ITGAL: variants seen among roughly 807,000 people sequenced by gnomAD.
The protein encoded by ITGAL is integrin alpha-L.
A neutral mutation model predicts 138.4 loss-of-function variants in ITGAL; 68 were observed. That is an observed-to-expected ratio of 0.49 (90% CI 0.40 to 0.60). The LOEUF is 0.60. ITGAL is among the 20% of genes least tolerant of loss of function. The pLI, the probability that ITGAL is intolerant of heterozygous loss-of-function variation, is 0.00. For missense variants in ITGAL, 1,256 were observed against 1,478.6 expected (o/e 0.85, Z 2.47); for synonymous variants, 561 against 584.3 (o/e 0.96, Z 0.57).
intron 22 of ITGAL, among the ~76,000 whole-genome samples, 169 bp downstream of exon 22, chr16:30,510,640 C>T (rs1163876143): frequency 1.3e-5 from 2 of 152,136 alleles, no homozygotes; most frequent in Non-Finnish European, 2.9e-5. Context: ...GTTTGAGAGC[C>T]TGGACTTTAG....
Position 30,521,658 on chromosome 16 carries a change from A to G in ITGAL, c.3506A>G (p.Lys1169Arg). The G allele has an allele frequency of 6.2e-7, 1 of 1,613,704 alleles. No homozygotes were observed. Among genetic ancestry groups the G allele is most frequent in the Non-Finnish European group, 8.5e-7 (1 of 1,179,976 alleles). ...AAGGACTCTGAGAGTGGTGGTGGCA[A>G]GGACTGAGTCCAGGCCTGTGAGGTG... is the stretch of plus-strand genomic sequence containing the variant. Reference protein sequence around the residue: ...HEKDSESGGGKD With the variant: ...HEKDSESGGGRD Residue 1169 changes from lysine to arginine, a missense_variant, in exon 31 of 31, where the codon AAG (lysine) becomes AGG (arginine). This residue lies in a region of ITGAL where 867 missense variants were observed against 972.5 expected (regional missense o/e 0.89). Transcript: ENST00000356798.
Position 30,474,317 on chromosome 16 carries a change from G to T in ITGAL, c.164+19G>T. 6.4e-7 allele frequency: 1 copy of T among 1,559,666 alleles called. No individual in the cohort carries two copies. The highest frequency in any genetic ancestry group is 1.8e-5 in the Admixed American group (1 of 55,480). ...GAAACGGGTGAGCTGTGCCCCACAA[G>T]TCCTCCTCCTGATGCCCGCCCTGGG... On this transcript the variant is annotated intron_variant, in intron 2 of 30. Coordinates refer to ENST00000356798, the MANE Select transcript of ITGAL (RefSeq NM_002209.3).
At chr16:30,518,984 G>A (rs1314143372) in intron 29 of ITGAL, among the ~76,000 whole-genome samples, 1 of 152,180 alleles carries the variant, frequency 6.6e-6, no homozygotes, top group African/African-American at 2.4e-5. Flanking sequence ...AGCACTTTGG[G>A]AGGTCAAGGT....
At chr16:30,504,364 C>T in intron 18 of ITGAL, 100 bp downstream of exon 18, 2 of 901,340 alleles carry the variant, frequency 2.2e-6, no homozygotes, top group Non-Finnish European at 3.6e-6. Flanking sequence ...ATAATCCCAG[C>T]ACTTTGGGAG....
intron 25 of ITGAL, among the ~76,000 whole-genome samples, chr16:30,515,908 G>GT (rs1567490924): frequency 1.3e-5 from 2 of 151,810 alleles, no homozygotes; most frequent in African/African-American, 4.8e-5. Flanking sequence ...GAAGGTGAAG[G>GT]TTGCAGCGAG....
intron 21 of ITGAL, among the ~76,000 whole-genome samples, chr16:30,508,618 C>T (rs1449394502): frequency 2.6e-5 from 4 of 152,044 alleles, no homozygotes; most frequent in Non-Finnish European, 4.4e-5. Context: ...TGCTTAAGCC[C>T]GAGAGTTCGA....
At position 30,474,205 on chromosome 16, in the gene ITGAL, C is replaced by T; in HGVS notation, c.71C>T (p.Ser24Leu). 6.2e-7 allele frequency: 1 copy of T among 1,603,248 alleles called. No homozygotes were observed. The highest frequency in any genetic ancestry group is 1.7e-4 in the Middle Eastern group (1 of 6,044). The change falls in exon 2 of 31, where the codon TCG becomes TTG. Residue 24 changes from serine to leucine, a missense_variant. By Grantham distance (145) the Ser-to-Leu change is moderately radical (BLOSUM62 -2). Transcript: ENST00000356798. ...CCCTTGCCTTCCTCAGCGCCGGCCT[C>T]GAGCTACAACCTGGACGTGCGGGGC... is the stretch of plus-strand genomic sequence containing the variant. Reference protein sequence around the residue: ...LSGFFFFAPASSYNLDVRGAR... With the variant: ...LSGFFFFAPALSYNLDVRGAR...
intron 9 of ITGAL, among the ~76,000 whole-genome samples, chr16:30,484,824 C>T (rs1296072391): frequency 6.6e-6 from 1 of 151,818 alleles, no homozygotes; most frequent in African/African-American, 2.4e-5. Context: ...GGGGCTGAGG[C>T]AGGAGAATCG....
Position 30,494,806 on chromosome 16 carries a change from G to C in ITGAL, c.1459G>C (p.Gly487Arg). Residue 487 changes from glycine (G) to arginine (R), a missense_variant, in exon 13 of 31, where the codon GGG (glycine) becomes CGG (arginine). Around this residue, in one of 3 missense-constraint regions of ITGAL, gnomAD observed 867 missense variants for 972.5 expected, o/e 0.89. Transcript: ENST00000356798. This position sits in a 1 kb window ranked among gnomAD's most constrained non-coding sequence, Gnocchi z 4.2. Reference sequence around the variant, plus strand: ...GCTGATTGGTGCCCCACTGTTCTATGGGGAGCAGAGAGGAGGCCGGGTGTT... The same window carrying C: ...GCTGATTGGTGCCCCACTGTTCTATCGGGAGCAGAGAGGAGGCCGGGTGTT... ...LLLIGAPLFY[G>R]EQRGGRVFIY... 6.2e-7 allele frequency: 1 copy of C among 1,611,528 alleles called. No individual in the cohort carries two copies. The highest frequency in any genetic ancestry group is 8.5e-7 in the Non-Finnish European group (1 of 1,178,158).
chr16:30,505,909 CCTCATGGAA>C (rs1190110733), intron 20 of ITGAL, among the ~76,000 whole-genome samples: 1 of 152,042 alleles, frequency 6.6e-6, no homozygotes. Context: ...AAAGCAAATC[CCTCATGGAA>C]CTCCTATCAG....
chr16:30,506,822 C>A lies in ITGAL; in HGVS notation c.2474C>A (p.Pro825Gln), dbSNP rs143575422. ...YWVQLDLHFP[P>Q]GLSFRKVEML... is the part of the protein sequence containing the mutation. ...GTCCAGCTGGACCTGCACTTCCCCC[C>A]GGGACTCTCCTTCCGCAAGGTGGAG... is the stretch of plus-strand genomic sequence containing the variant. Residue 825 changes from proline to glutamine, a missense_variant, in exon 21 of 31, where the codon CCG becomes CAG. Physicochemically the swap from Pro to Gln is moderately conservative, Grantham distance 76. Transcript: ENST00000356798. The A allele has an allele frequency of 6.2e-7, 1 of 1,613,928 alleles. No individual in the cohort carries two copies. The highest frequency in any genetic ancestry group is 8.5e-7 in the Non-Finnish European group (1 of 1,179,902).
At chr16:30,502,846 C>T (rs997684100) in intron 17 of ITGAL, among the ~76,000 whole-genome samples, 6 of 149,362 alleles carry the variant, frequency 4.0e-5, no homozygotes, top group African/African-American at 1.5e-4. Context: ...TGGAGTCTCA[C>T]TGTGTTGCCC....
rs149823947 is a variant in ITGAL at position 30,514,327 on chromosome 16, A to C, written c.2862+481A>C. On this transcript the variant is annotated intron_variant, in intron 25 of 30. Transcript: ENST00000356798. ...AGTCTCACTCTGTCACCCAGGCTGG[A>C]GTGCAGTGGCACGGTCTCAGCTCAC... 4.2e-3 allele frequency among the ~76,000 whole-genome samples: 616 copies of C among 147,294 alleles called. 2 individuals carry two copies. Among genetic ancestry groups the C allele is most frequent in the African/African-American group, 0.015 (586 of 39,486 alleles).
At chr16:30,520,104 A>C in intron 30 of ITGAL, 137 bp downstream of exon 30, 1 of 641,538 alleles carries the variant, frequency 1.6e-6, no homozygotes. Context: ...GCCTCAGCCT[A>C]CTCCCTCCTT....
Position 30,494,598 on chromosome 16 carries a change from A to G in ITGAL, c.1366-115A>G. 7.5e-7 allele frequency: 1 copy of G among 1,339,596 alleles called. No homozygotes were observed. The highest frequency in any genetic ancestry group is 1.0e-6 in the Non-Finnish European group (1 of 995,322). 83.0% of individuals were successfully genotyped at this position (1,339,596 alleles called of 1,614,324 possible). ...ACGCACATAGACTAGGGGTGGATCC[A>G]AGATTGGAACCTGCATTTGAGGGAG... On this transcript the variant is annotated intron_variant, in intron 12 of 30. Transcript: ENST00000356798. The surrounding 1 kb of genome is among the most constrained non-coding windows in gnomAD (Gnocchi z 4.2).
chr16:30,519,927 G>GGCT lies in ITGAL; in HGVS notation c.3315_3317dup (p.Leu1106dup), dbSNP rs374222520. ...CTCTACGTGCTGAGCGGCATCGGGG[G>GGCT]GCTGCTGCTGCTGCTGCTCATTTTC... On this transcript the variant is annotated inframe_insertion, in exon 30 of 31. Transcript: ENST00000356798. 3.7e-6 allele frequency: 6 copies of GGCT among 1,613,246 alleles called. No homozygotes were observed. The highest frequency in any genetic ancestry group is 1.3e-5 in the African/African-American group (1 of 74,888).
At chr16:30,506,965 G>T (rs973024492) in intron 21 of ITGAL, 109 bp downstream of exon 21, 14 of 1,229,710 alleles carry the variant, frequency 1.1e-5, no homozygotes, top group Non-Finnish European at 1.5e-5. Context: ...AGCTGCGGGT[G>T]GACAGGGGTC....
chr16:30,494,964 C>A lies in ITGAL; in HGVS notation c.1503+114C>A. On this transcript the variant is annotated intron_variant, in intron 13 of 30. Transcript: ENST00000356798. The surrounding 1 kb of genome is among the most constrained non-coding windows in gnomAD (Gnocchi z 4.2). ...TCACGTGGCGATCAAACTTTTAGAACGACAGAGAGGCAATAGCAAATCCTC... is the reference window on the plus strand; with the variant it reads ...TCACGTGGCGATCAAACTTTTAGAAAGACAGAGAGGCAATAGCAAATCCTC... The A allele has an allele frequency of 2.6e-6, 3 of 1,161,856 alleles. No homozygotes were observed. Among genetic ancestry groups the A allele is most frequent in the East Asian group, 2.5e-5 (1 of 39,764 alleles). 72.0% of individuals were successfully genotyped at this position (1,161,856 alleles called of 1,614,324 possible).
Position 30,496,559 on chromosome 16 carries a change from G to A in ITGAL, c.1825G>A (p.Val609Met), listed in dbSNP as rs750373265. Reference sequence around the variant, plus strand: ...TGTGGGGGCTGAGAGCCAGATGATCGTGCTGAGGTGAGATGGGTCTCCCAG... The same window carrying A: ...TGTGGGGGCTGAGAGCCAGATGATCATGCTGAGGTGAGATGGGTCTCCCAG... Reference protein sequence around the residue: ...VAVGAESQMIVLSSRPVVDMV... With the variant: ...VAVGAESQMIMLSSRPVVDMV... Residue 609 changes from valine (V) to methionine (M), a missense_variant, in exon 15 of 31, where the codon GTG becomes ATG. This residue lies in a region of ITGAL where 867 missense variants were observed against 972.5 expected (regional missense o/e 0.89). Transcript: ENST00000356798. 8.7e-6 allele frequency: 14 copies of A among 1,612,836 alleles called. No individual in the cohort carries two copies. The highest frequency in any genetic ancestry group is 2.7e-5 in the African/African-American group (2 of 74,934).
Sources: allele counts gnomAD v4.1 joint callset (sites outside exome capture counted in the v4.1 genomes callset), GRCh38; gene constraint gnomAD v4.1.1; regional missense constraint gnomAD v4.1.1; non-coding constraint Gnocchi (gnomAD v3.1); transcripts MANE v1.5; gene names NCBI Gene and HGNC (gene_info 2026-07-23, HGNC 2026-07-21).